Variants in MITF observed in about 807,000 individuals in gnomAD.
MITF encodes microphthalmia-associated transcription factor.
MITF carries 17 observed loss-of-function variants against 60.5 expected under a neutral mutation model. The ratio of observed to expected loss-of-function variants is 0.28; its 90% CI spans 0.19 to 0.42. MITF has a LOEUF of 0.42. Ranked by LOEUF, MITF falls within the 10% of genes least tolerant of loss-of-function variation. The probability of loss-of-function intolerance (pLI) is 1.00; values close to 1 mark genes in which losing one functional copy is unlikely to be tolerated. For synonymous variants in MITF, 260 were observed against 248.5 expected (o/e 1.05, Z -0.43); for missense variants, 622 against 683.5 (o/e 0.91, Z 1.00).
chr3:69,828,439 A>T (rs966518891), intron 1 of MITF, among the ~76,000 whole-genome samples: 2 of 152,114 alleles, frequency 1.3e-5, no homozygotes, highest in Non-Finnish European at 2.9e-5. Flanking sequence ...GATGATTCTC[A>T]AGTAGATAAT....
intron 1 of MITF, among the ~76,000 whole-genome samples, chr3:69,783,343 C>A (rs908401081): frequency 2.0e-5 from 3 of 152,122 alleles, no homozygotes; most frequent in Non-Finnish European, 4.4e-5. Context: ...TTCTAATATT[C>A]CTAGTTATTC....
intron 1 of MITF, among the ~76,000 whole-genome samples, chr3:69,810,745 G>T (rs1456944284): frequency 2.6e-5 from 4 of 152,102 alleles, no homozygotes; most frequent in African/African-American, 9.7e-5. Context: ...TTGTTCATTT[G>T]ACAGATATTT....
chr3:69,843,865 G>A (rs1198140492), intron 1 of MITF, among the ~76,000 whole-genome samples: 1 of 152,016 alleles, frequency 6.6e-6, no homozygotes, highest in African/African-American at 2.4e-5. Context: ...TCTACATTAG[G>A]TATTTCTCCT....
intron 1 of MITF, among the ~76,000 whole-genome samples, chr3:69,794,305 T>C (rs778740652): frequency 7.9e-5 from 12 of 152,362 alleles, no homozygotes; most frequent in South Asian, 4.1e-4. Context: ...GGTGTGGTGT[T>C]ATGTATGTGA....
chr3:69,784,439 A>G (rs1436002066), intron 1 of MITF, among the ~76,000 whole-genome samples: 2 of 152,172 alleles, frequency 1.3e-5, no homozygotes, highest in Non-Finnish European at 2.9e-5. Context: ...CATTTTGAGG[A>G]TTCTCTGTGA....
intron 9 of MITF, among the ~76,000 whole-genome samples, chr3:69,961,621 C>G (rs1244132659): frequency 6.6e-6 from 1 of 151,498 alleles, no homozygotes; most frequent in East Asian, 1.9e-4. Context: ...ATAATCCCAG[C>G]TACTCATGAG....
intron 1 of MITF, among the ~76,000 whole-genome samples, chr3:69,820,157 T>A (rs1309131220): frequency 6.6e-6 from 1 of 152,194 alleles, no homozygotes; most frequent in African/African-American, 2.4e-5. Flanking sequence ...TTAATATAGA[T>A]TCGTTTTGAA....
intron 1 of MITF, among the ~76,000 whole-genome samples, chr3:69,877,813 G>A (rs13319628): frequency 0.016 from 2,376 of 152,180 alleles, 62 homozygotes; most frequent in African/African-American, 0.053. Context: ...TTATTAGAAG[G>A]TAAAAGATAA....
chr3:69,932,226 T>C (rs2065740303), intron 2 of MITF, among the ~76,000 whole-genome samples: 1 of 152,196 alleles, frequency 6.6e-6, no homozygotes, highest in African/African-American at 2.4e-5. Flanking sequence ...CCCTGCAGAC[T>C]CTGTTGCTAC....
chr3:69,848,957 CTTTTTTT>C (rs55969316), intron 1 of MITF, among the ~76,000 whole-genome samples: 10 of 73,306 alleles, frequency 1.4e-4, no homozygotes, highest in African/African-American at 5.0e-4. Context: ...AAAGATTCTT[CTTTTTTT>C]TTTTTTTTTT....
chr3:69,846,567 C>T (rs967555619), intron 1 of MITF, among the ~76,000 whole-genome samples: 1 of 152,156 alleles, frequency 6.6e-6, no homozygotes, highest in African/African-American at 2.4e-5. Context: ...ATAATCCCAG[C>T]ACTTTGGGAG....
At chr3:69,823,795 T>C (rs1024172841) in intron 1 of MITF, among the ~76,000 whole-genome samples, 1 of 152,238 alleles carries the variant, frequency 6.6e-6, no homozygotes, top group Non-Finnish European at 1.5e-5. Flanking sequence ...GTAAGAATTC[T>C]TTGTGATACT....
intron 1 of MITF, among the ~76,000 whole-genome samples, chr3:69,873,766 T>C (rs1167136788): frequency 6.6e-6 from 1 of 152,194 alleles, no homozygotes; most frequent in East Asian, 1.9e-4. Flanking sequence ...ATGTTCCAGC[T>C]CTCCTACTAT....
At chr3:69,745,972 G>A (rs1239863030) in intron 1 of MITF, among the ~76,000 whole-genome samples, 1 of 152,216 alleles carries the variant, frequency 6.6e-6, no homozygotes, top group African/African-American at 2.4e-5. Context: ...TATGGTAGCA[G>A]TTTTTACCCT....
At chr3:69,785,236 G>C (rs537027692) in intron 1 of MITF, among the ~76,000 whole-genome samples, 3 of 151,612 alleles carry the variant, frequency 2.0e-5, no homozygotes, top group African/African-American at 7.3e-5. Context: ...AGTGAGTCAC[G>C]GCGTGCTGCG....
At chr3:69,922,553 C>T (rs886586423) in intron 2 of MITF, among the ~76,000 whole-genome samples, 2 of 152,124 alleles carry the variant, frequency 1.3e-5, no homozygotes, top group Admixed American at 6.6e-5. Context: ...TTTATCCAAG[C>T]CACATAATAT....
chr3:69,879,102 T>A (rs1201959212), intron 1 of MITF, 32 bp from the exon 2 acceptor site: 1 of 1,591,638 alleles, frequency 6.3e-7, no homozygotes, highest in Non-Finnish European at 8.6e-7. Flanking sequence ...ATTAGGAAAC[T>A]AAATGTTGTA....
rs1405659848 is a variant in MITF at position 69,879,140 on chromosome 3, C to A, written c.111C>A (p.Ser37=). ...LKSQPLKSSS[S]AEHPGASKPP... is the part of the protein sequence containing the mutation. ...CATTTTGGTTTTCCCACAGCAGTTC[C>A]GCCGAGCATCCTGGGGCCTCCAAGC... Residue 37 remains serine, a synonymous_variant, in exon 2 of 10, where the codon TCC becomes TCA. Coordinates refer to ENST00000352241, the MANE Select transcript of MITF (RefSeq NM_001354604.2). 1 of 1,614,142 alleles carries A rather than the reference C, an allele frequency of 6.2e-7. No individual in the cohort carries two copies. Among genetic ancestry groups the A allele is most frequent in the Non-Finnish European group, 8.5e-7 (1 of 1,180,020 alleles).
chr3:69,790,020 C>G (rs1439335805), intron 1 of MITF, among the ~76,000 whole-genome samples: 1 of 152,100 alleles, frequency 6.6e-6, no homozygotes, highest in Non-Finnish European at 1.5e-5. Flanking sequence ...GGAAGCAACC[C>G]AAATGTCCAT....
Sources: gnomAD v4.1 joint callset for allele counts (sites outside exome capture counted in the v4.1 genomes callset) on GRCh38, gnomAD v4.1.1 for gene constraint, MANE v1.5 for transcripts, NCBI Gene and HGNC (gene_info 2026-07-23, HGNC 2026-07-21) for gene names.